Variants in HDAC4 observed in about 807,000 individuals in gnomAD.
HDAC4 encodes histone deacetylase 4, also known as histone deacetylase A.
Under a neutral mutation model 135.1 loss-of-function variants are expected in HDAC4, and 16 were observed. The observed-to-expected ratio is 0.12, with a 90% confidence interval of 0.08 to 0.18. The LOEUF is 0.18. HDAC4 is among the 10% of genes least tolerant of loss of function. The probability of loss-of-function intolerance (pLI) is 1.00; values close to 1 mark genes in which losing one functional copy is unlikely to be tolerated. For missense variants in HDAC4, 1,143 were observed against 1,511.8 expected (o/e 0.76, Z 4.05); for synonymous variants, 685 against 653.4 (o/e 1.05, Z -0.74).
At chr2:239,270,457 G>A (rs1559309194) in intron 2 of HDAC4, among the ~76,000 whole-genome samples, 1 of 152,176 alleles carries the variant, frequency 6.6e-6, no homozygotes, top group East Asian at 1.9e-4. Context: ...TAGAGAAAAG[G>A]AAGACTTTAA....
chr2:239,218,689 A>C (rs927181596), intron 3 of HDAC4, among the ~76,000 whole-genome samples: 2 of 144,794 alleles, frequency 1.4e-5, no homozygotes, highest in Admixed American at 1.4e-4. Flanking sequence ...GCAACCTACA[A>C]AATGGGAGAA....
intron 3 of HDAC4, among the ~76,000 whole-genome samples, chr2:239,224,971 TA>T (rs2047159990): frequency 1.3e-5 from 2 of 152,258 alleles, no homozygotes; most frequent in South Asian, 4.1e-4. Flanking sequence ...TAAAGATTCA[TA>T]AAAATTGACC....
intron 3 of HDAC4, among the ~76,000 whole-genome samples, chr2:239,195,543 G>A (rs1023181166): frequency 5.3e-5 from 8 of 152,170 alleles, no homozygotes; most frequent in Admixed American, 2.0e-4. Context: ...GTGCGCCTAC[G>A]GCTGTGTCAG....
intron 1 of HDAC4, among the ~76,000 whole-genome samples, chr2:239,392,007 G>A (rs979883569): frequency 3.3e-5 from 5 of 152,224 alleles, no homozygotes; most frequent in African/African-American, 9.6e-5. Flanking sequence ...TGTGAACTCC[G>A]AAGCCCAAAA....
At chr2:239,228,940 G>A (rs1489819286) in intron 3 of HDAC4, among the ~76,000 whole-genome samples, 2 of 152,104 alleles carry the variant, frequency 1.3e-5, no homozygotes, top group Non-Finnish European at 2.9e-5. Context: ...TCAGGAGTTC[G>A]AGACCAGCCT....
intron 25 of HDAC4, among the ~76,000 whole-genome samples, chr2:239,054,509 C>T (rs2031465478): frequency 1.3e-5 from 2 of 152,298 alleles, no homozygotes; most frequent in South Asian, 4.1e-4. Flanking sequence ...ATTCTCTAGA[C>T]TTACAAATTG....
intron 2 of HDAC4, among the ~76,000 whole-genome samples, chr2:239,325,684 G>A (rs763514748): frequency 6.6e-6 from 1 of 152,226 alleles, no homozygotes; most frequent in Non-Finnish European, 1.5e-5. Context: ...TAAACACAGG[G>A]CTGGGCGTGG....
chr2:239,265,057 G>A (rs977728434), intron 2 of HDAC4, among the ~76,000 whole-genome samples: 4 of 152,158 alleles, frequency 2.6e-5, no homozygotes, highest in Admixed American at 2.0e-4. Flanking sequence ...ACAGGGGCTG[G>A]AGAGTGGGGG....
At position 239,307,219 on chromosome 2, in the gene HDAC4, G is replaced by A. The variant is rs910040558; in HGVS notation, c.22+45459C>T. Among the ~76,000 whole-genome samples the A allele has an allele frequency of 1.3e-5, 2 of 152,188 alleles. No homozygotes were observed. The highest frequency in any genetic ancestry group is 4.8e-5 in the African/African-American group (2 of 41,466). ...GGCACAAAGCCCAGGGCCTGGGGCAGGCTCCGTGCCCCAATGGTCATCCTC... is the reference window on the plus strand; with the variant it reads ...GGCACAAAGCCCAGGGCCTGGGGCAAGCTCCGTGCCCCAATGGTCATCCTC... On this transcript the variant is annotated intron_variant, in intron 2 of 26. Coordinates refer to ENST00000543185, the MANE Select transcript of HDAC4 (RefSeq NM_001378414.1). This position sits in a 1 kb window ranked among gnomAD's most constrained non-coding sequence, Gnocchi z 4.8.
intron 7 of HDAC4, 128 bp from the exon 8 acceptor site, chr2:239,144,842 G>C: frequency 2.1e-6 from 2 of 935,584 alleles, no homozygotes; most frequent in Non-Finnish European, 3.4e-6. Context: ...TGTTGCTGCA[G>C]GGGAGAGCGC....
At chr2:239,384,952 T>C (rs1454795074) in intron 1 of HDAC4, among the ~76,000 whole-genome samples, 1 of 152,080 alleles carries the variant, frequency 6.6e-6, no homozygotes, top group African/African-American at 2.4e-5. Context: ...CAGAAACTGA[T>C]GGGGAGGTGC....
intron 3 of HDAC4, 21 bp downstream of exon 3, chr2:239,236,572 G>T: frequency 6.5e-7 from 1 of 1,546,324 alleles, no homozygotes. Flanking sequence ...GGCCGGACAG[G>T]GCAGGGGTGG....
At chr2:239,173,537 T>C (rs1019225298) in intron 5 of HDAC4, among the ~76,000 whole-genome samples, 1 of 151,972 alleles carries the variant, frequency 6.6e-6, no homozygotes, top group Non-Finnish European at 1.5e-5. Flanking sequence ...CAAAAACAAG[T>C]AGACAAATGA....
At position 239,102,942 on chromosome 2, in the gene HDAC4, C is replaced by T. The variant is rs377204910; in HGVS notation, c.2113-46G>A. ...ACACTCACACGTTCTGCAGAAGCTG[C>T]TGCTTCAGCTCCACAGACAGAAACT... On this transcript the variant is annotated intron_variant, in intron 15 of 26. Coordinates refer to ENST00000543185, the MANE Select transcript of HDAC4 (RefSeq NM_001378414.1). 4.3e-6 allele frequency: 7 copies of T among 1,612,476 alleles called. No individual in the cohort carries two copies. In the African/African-American group the frequency reaches 9.3e-5, roughly 22 times the overall value.
Position 239,115,261 on chromosome 2 carries a change from T to C in HDAC4, c.1583A>G (p.Glu528Gly), listed in dbSNP as rs2152810112. 6.2e-7 allele frequency: 1 copy of C among 1,613,316 alleles called. No individual in the cohort carries two copies. ...CTCACGGAGCTCCTCCTCCGTCTCC[T>C]CCGGGTGGCTCTCCGGCTGCCGGGC... ...EPARQPESHP[E>G]ETEEELREHQ... is the part of the protein sequence containing the mutation. The change falls in exon 13 of 27, where the codon GAG (glutamate) becomes GGG (glycine). Residue 528 changes from glutamate (E) to glycine (G), a missense_variant. Around this residue, in one of 9 missense-constraint regions of HDAC4, gnomAD observed 196 missense variants for 210.7 expected, o/e 0.93. Coordinates refer to ENST00000543185, the MANE Select transcript of HDAC4 (RefSeq NM_001378414.1). The surrounding 1 kb of genome is among the most constrained non-coding windows in gnomAD (Gnocchi z 6.3).
chr2:239,385,570 G>A (rs561588689), intron 1 of HDAC4, among the ~76,000 whole-genome samples: 120 of 152,346 alleles, frequency 7.9e-4, no homozygotes, highest in African/African-American at 2.3e-3. Context: ...CCTGTGCCAG[G>A]AGCCCTTGCA....
chr2:239,333,050 G>A (rs1157085280), intron 2 of HDAC4, among the ~76,000 whole-genome samples: 1 of 152,112 alleles, frequency 6.6e-6, no homozygotes, highest in Non-Finnish European at 1.5e-5. Flanking sequence ...TATCAGTTGA[G>A]GGTGTAATTT....
At chr2:239,347,745 C>T (rs1372427261) in intron 2 of HDAC4, among the ~76,000 whole-genome samples, 2 of 152,162 alleles carry the variant, frequency 1.3e-5, no homozygotes, top group Admixed American at 1.3e-4. Flanking sequence ...GAACTCCTGA[C>T]CTCAAATGAT....
chr2:239,244,782 G>T (rs1355115012), intron 2 of HDAC4, among the ~76,000 whole-genome samples: 2 of 152,090 alleles, frequency 1.3e-5, no homozygotes, highest in Non-Finnish European at 2.9e-5. Context: ...TTTGCTGAGT[G>T]ACCCCAGCAG....
Sources: gnomAD v4.1 joint callset for allele counts (sites outside exome capture counted in the v4.1 genomes callset) on GRCh38, gnomAD v4.1.1 for gene constraint, gnomAD v4.1.1 regional missense constraint, Gnocchi (gnomAD v3.1) non-coding constraint, MANE v1.5 for transcripts, NCBI Gene and HGNC (gene_info 2026-07-23, HGNC 2026-07-21) for gene names.